LDLRAD1: variants seen among roughly 807,000 people sequenced by gnomAD.
LDLRAD1 encodes the protein low density lipoprotein receptor class A domain containing 1.
In LDLRAD1, 17 loss-of-function variants were observed where a neutral mutation model predicts 24.8. The observed-to-expected ratio is 0.69, with a 90% confidence interval of 0.47 to 1.03. The LOEUF is 1.03. LDLRAD1 is among the 50% of genes least tolerant of loss of function. LDLRAD1 has a pLI of 0.00. For synonymous variants in LDLRAD1, 103 were observed against 108.2 expected (o/e 0.95, Z 0.30); for missense variants, 277 against 271.0 (o/e 1.02, Z -0.16).
chr1:54,017,287 G>C lies in LDLRAD1; in HGVS notation c.73+89C>G, dbSNP rs542591718. 169 of 1,063,146 alleles carry C rather than the reference G, an allele frequency of 1.6e-4. 1 individual carries two copies. The African/African-American group carries it at 2.3e-3, about 15-fold the overall frequency. The allele number at this position is 1,063,146 out of a possible 1,614,324, so 65.9% of individuals were successfully genotyped here. On this transcript the variant is annotated intron_variant, in intron 2 of 5. Coordinates refer to ENST00000371360, the MANE Select transcript of LDLRAD1 (RefSeq NM_001010978.4). Reference sequence around the variant, plus strand: ...GGCAGAGGTCTGAGGGACAGTGGGAGCCTTGAACCCTCCTCATGTCTCTAT... The same window carrying C: ...GGCAGAGGTCTGAGGGACAGTGGGACCCTTGAACCCTCCTCATGTCTCTAT...
intron 2 of LDLRAD1, among the ~76,000 whole-genome samples, chr1:54,015,757 G>A (rs1208452862): frequency 2.0e-5 from 3 of 151,508 alleles, no homozygotes; most frequent in East Asian, 3.9e-4. Context: ...CTGGGTTCAA[G>A]CGATTCTCCT....
intron 3 of LDLRAD1, 108 bp from the exon 4 acceptor site, chr1:54,012,388 G>A (rs1480222423): frequency 8.1e-7 from 1 of 1,229,862 alleles, no homozygotes; most frequent in Non-Finnish European, 1.2e-6. Context: ...GGGGCAGTGG[G>A]GAGGATGGAC....
chr1:54,008,875 C>A lies in LDLRAD1; in HGVS notation c.*107G>T, dbSNP rs879188044. The A allele has an allele frequency of 3.9e-6, 3 of 761,210 alleles. No homozygotes were observed. The highest frequency in any genetic ancestry group is 1.8e-6 in the Non-Finnish European group (1 of 548,840). The allele number at this position is 761,210 out of a possible 1,614,324, so 47.2% of individuals were successfully genotyped here. On this transcript the variant is annotated 3_prime_UTR_variant, in exon 6 of 6. Coordinates refer to ENST00000371360, the MANE Select transcript of LDLRAD1 (RefSeq NM_001010978.4). Reference sequence around the variant, plus strand: ...CCTATTCAGAAATGATGTGTAGATCCCATTTCAAAGGCTGCTTCCTGCCCT... The same window carrying A: ...CCTATTCAGAAATGATGTGTAGATCACATTTCAAAGGCTGCTTCCTGCCCT...
chr1:54,008,855 T>G lies in LDLRAD1; in HGVS notation c.*127A>C. The G allele has an allele frequency of 1.2e-6, 1 of 846,034 alleles. No homozygotes were observed. The highest frequency in any genetic ancestry group is 2.0e-5 in the South Asian group (1 of 50,530). 52.4% of individuals were successfully genotyped at this position (846,034 alleles called of 1,614,324 possible). A position where few individuals can be genotyped will look rare whatever the true frequency, so the allele number is the denominator to read the frequency against. On this transcript the variant is annotated 3_prime_UTR_variant, in exon 6 of 6. Coordinates refer to ENST00000371360, the MANE Select transcript of LDLRAD1 (RefSeq NM_001010978.4). The stretch of plus-strand genomic sequence containing the variant: ...TGAAAGGAGGAGAGAAAATTCCTAT[T>G]CAGAAATGATGTGTAGATCCCATTT...
chr1:54,014,978 G>A (rs1656240871), intron 2 of LDLRAD1, among the ~76,000 whole-genome samples: 1 of 152,188 alleles, frequency 6.6e-6, no homozygotes, highest in Non-Finnish European at 1.5e-5. Context: ...CTGTGCCTCA[G>A]TTTCCTCATG....
In LDLRAD1 at chr1:54,008,874, C is replaced by CTCGGTGGTAA; in HGVS notation, c.*107_*108insTTACCACCGA. On this transcript the variant is annotated 3_prime_UTR_variant, in exon 6 of 6. Transcript: ENST00000371360. ...TCCTATTCAGAAATGATGTGTAGAT[C>CTCGGTGGTAA]CCATTTCAAAGGCTGCTTCCTGCCC... is the stretch of plus-strand genomic sequence containing the variant. 1 of 992,510 alleles carries CTCGGTGGTAA rather than the reference C, an allele frequency of 1.0e-6. No homozygotes were observed. The highest frequency in any genetic ancestry group is 1.5e-6 in the Non-Finnish European group (1 of 665,244). The allele number at this position is 992,510 out of a possible 1,614,324, so 61.5% of individuals were successfully genotyped here.
At chr1:54,015,101 T>A (rs1392100111) in intron 2 of LDLRAD1, among the ~76,000 whole-genome samples, 3 of 152,224 alleles carry the variant, frequency 2.0e-5, no homozygotes, top group South Asian at 4.1e-4. Flanking sequence ...TTGCTTTTTT[T>A]AATTATTATT....
At position 54,009,072 on chromosome 1, in the gene LDLRAD1, C is replaced by T. The variant is rs1655935188; in HGVS notation, c.528G>A (p.Lys176=). 1.9e-6 allele frequency: 3 copies of T among 1,613,872 alleles called. No homozygotes were observed. The highest frequency in any genetic ancestry group is 1.3e-5 in the African/African-American group (1 of 74,864). ...GATGCCTCGGTATACAGTCGCAGTA[C>T]TTGAAGAAGGTTGAAGGACAGCGCC... ...GWWRCPSTFF[K]YCDCIPRHLC... is the part of the protein sequence containing the mutation. The change falls in exon 6 of 6, where the codon AAG becomes AAA. Residue 176 remains lysine (K), a synonymous_variant. Coordinates refer to ENST00000371360, the MANE Select transcript of LDLRAD1 (RefSeq NM_001010978.4).
Position 54,012,201 on chromosome 1 carries a change from C to G in LDLRAD1, c.282G>C (p.Gly94=). ...TACAGGTGCGAACGCCATCACAGAC[C>G]CCACTGGCTGGAATGCAGCTCCTCT... ...HDQRSCIPAS[G]VCDGVRTCTH... Residue 94 remains glycine, a synonymous_variant, in exon 4 of 6, where the codon GGG becomes GGC. Coordinates refer to ENST00000371360, the MANE Select transcript of LDLRAD1 (RefSeq NM_001010978.4). The G allele has an allele frequency of 6.2e-7, 1 of 1,614,130 alleles. No homozygotes were observed. Among genetic ancestry groups the G allele is most frequent in the Non-Finnish European group, 8.5e-7 (1 of 1,179,982 alleles).
In LDLRAD1 at chr1:54,014,249, T is replaced by C. The variant is rs1182757295; in HGVS notation, c.189A>G (p.Pro63=). The change falls in exon 3 of 6, where the codon CCA becomes CCG. Residue 63 remains proline, a synonymous_variant. Coordinates refer to ENST00000371360, the MANE Select transcript of LDLRAD1 (RefSeq NM_001010978.4). ...GGCCGCCCTGACCTGGGGTGCATGA[T>C]GGGAGTCCAAGAATGGTGACCAAGG... is the stretch of plus-strand genomic sequence containing the variant. ...LIALVTILGL[P]SCTPGAQACI... 4 of 1,563,302 alleles carry C rather than the reference T, an allele frequency of 2.6e-6. No homozygotes were observed. Among genetic ancestry groups the C allele is most frequent in the Middle Eastern group, 1.9e-4 (1 of 5,358 alleles).
In LDLRAD1 at chr1:54,017,438, G is replaced by C. The variant is rs756738194; in HGVS notation, c.22-11C>G. On this transcript the variant is annotated splice_polypyrimidine_tract_variant and intron_variant, in intron 1 of 5. Transcript: ENST00000371360. ...GTAGCCATTCTCTCCCTGCCCAAGA[G>C]AACAGAGTGAGGGGTGGGCTTAGGT... is the stretch of plus-strand genomic sequence containing the variant. 2 of 1,596,298 alleles carry C rather than the reference G, an allele frequency of 1.3e-6. No homozygotes were observed. Among genetic ancestry groups the C allele is most frequent in the South Asian group, 2.3e-5 (2 of 88,164 alleles).
intron 4 of LDLRAD1, among the ~76,000 whole-genome samples, chr1:54,011,713 C>T (rs752752614): frequency 6.6e-6 from 1 of 152,188 alleles, no homozygotes; most frequent in South Asian, 2.1e-4. Context: ...CGATATCAAG[C>T]GGACTGGGCC....
intron 4 of LDLRAD1, 41 bp downstream of exon 4, chr1:54,012,102 G>T (rs371343139): frequency 6.2e-7 from 1 of 1,608,502 alleles, no homozygotes; most frequent in South Asian, 1.1e-5. Context: ...ATCGGAGTGT[G>T]GGGGAACCCC....
rs1382867193 is a variant in LDLRAD1, at chr1:54,010,390, G to A, written c.361C>T (p.Pro121Ser). The change falls in exon 5 of 6, where the codon CCC becomes TCC. Residue 121 changes from proline to serine, a missense_variant. Coordinates refer to ENST00000371360, the MANE Select transcript of LDLRAD1 (RefSeq NM_001010978.4). Reference protein sequence around the residue: ...SLCRDVPQSLPHFLVAHCGDP... With the variant: ...SLCRDVPQSLSHFLVAHCGDP... ...CCACAGTGGGCCACAAGGAAGTGGG[G>A]GAGGCTCTGGGGCACATCTCCTGTA... 2 of 1,614,016 alleles carry A rather than the reference G, an allele frequency of 1.2e-6. No homozygotes were observed. Among genetic ancestry groups the A allele is most frequent in the Admixed American group, 1.7e-5 (1 of 60,004 alleles).
At chr1:54,017,350 T>C in intron 2 of LDLRAD1, 26 bp downstream of exon 2, 1 of 1,581,702 alleles carries the variant, frequency 6.3e-7, no homozygotes, top group East Asian at 2.3e-5. Flanking sequence ...CACAGGGCAC[T>C]GGCCCCAGGC....
At position 54,008,811 on chromosome 1, in the gene LDLRAD1, A is replaced by G; in HGVS notation, c.*171T>C. On this transcript the variant is annotated 3_prime_UTR_variant, in exon 6 of 6. Transcript: ENST00000371360. ...GAGCTCCTGGTCATTGGAAGCATTC[A>G]AGCAGAGGCTGAACAACTTGAAAGG... 1.6e-6 allele frequency: 1 copy of G among 626,046 alleles called. No individual in the cohort carries two copies. The highest frequency in any genetic ancestry group is 3.0e-5 in the Admixed American group (1 of 33,454). The allele number at this position is 626,046 out of a possible 1,614,324, so 38.8% of individuals were successfully genotyped here.
rs1013140277 is a variant in LDLRAD1, at chr1:54,008,197, C to A, written c.*785G>T. The A allele has an allele frequency of 6.6e-6, 1 of 152,140 alleles. No individual in the cohort carries two copies. 9.4% of individuals were successfully genotyped at this position (152,140 alleles called of 1,614,324 possible). A position where few individuals can be genotyped will look rare whatever the true frequency, so the allele number is the denominator to read the frequency against. ...GCTCAGAGCTTCCTGGGGTGGCTTCCCACTGGTAGGATGCCAGATATCCTG... is the reference window on the plus strand; with the variant it reads ...GCTCAGAGCTTCCTGGGGTGGCTTCACACTGGTAGGATGCCAGATATCCTG... On this transcript the variant is annotated 3_prime_UTR_variant, in exon 6 of 6. Coordinates refer to ENST00000371360, the MANE Select transcript of LDLRAD1 (RefSeq NM_001010978.4).
intron 3 of LDLRAD1, among the ~76,000 whole-genome samples, chr1:54,013,480 G>C (rs1020348631): frequency 7.2e-6 from 1 of 139,578 alleles, no homozygotes; most frequent in East Asian, 2.1e-4. Context: ...GTGGCTCCTG[G>C]ACTATGACCT....
In LDLRAD1 at chr1:54,012,184, C is replaced by T. The variant is rs754154003; in HGVS notation, c.299G>A (p.Arg100His). The change falls in exon 4 of 6, where the codon CGC becomes CAC. Residue 100 changes from arginine to histidine, a missense_variant. Physicochemically the swap from Arg to His is conservative, Grantham distance 29 (BLOSUM62 0). Coordinates refer to ENST00000371360, the MANE Select transcript of LDLRAD1 (RefSeq NM_001010978.4). ...CTCGTCCTCGCCGTGGGTACAGGTG[C>T]GAACGCCATCACAGACCCCACTGGC... ...IPASGVCDGV[R>H]TCTHGEDEDE... 56 of 1,614,000 alleles carry T rather than the reference C, an allele frequency of 3.5e-5. No homozygotes were observed. The East Asian group carries it at 5.8e-4, about 17-fold the overall frequency.
Sources: allele counts gnomAD v4.1 joint callset (sites outside exome capture counted in the v4.1 genomes callset), GRCh38; gene constraint gnomAD v4.1.1; transcripts MANE v1.5; gene names NCBI Gene and HGNC (gene_info 2026-07-23, HGNC 2026-07-21).